VDAC1: variants seen among roughly 807,000 people sequenced by gnomAD.
VDAC1 encodes voltage dependent anion channel 1.
VDAC1 carries 10 observed loss-of-function variants against 34.7 expected under a neutral mutation model. That is an observed-to-expected ratio of 0.29 (90% CI 0.18 to 0.49). VDAC1 has a LOEUF of 0.49. Ranked by LOEUF, VDAC1 falls within the 20% of genes least tolerant of loss-of-function variation. The pLI is 0.99. For synonymous variants in VDAC1, 130 were observed against 136.0 expected (o/e 0.96, Z 0.30); for missense variants, 230 against 347.9 (o/e 0.66, Z 2.69).
Position 133,980,716 on chromosome 5 carries a change from C to CCCG in VDAC1, c.551+12_551+13insCGG. 1 of 1,561,828 alleles carries CCCG rather than the reference C, an allele frequency of 6.4e-7. No individual in the cohort carries two copies. The highest frequency in any genetic ancestry group is 8.8e-7 in the Non-Finnish European group (1 of 1,135,922). The stretch of plus-strand genomic sequence containing the variant: ...CCCACCCCTCCCACCCTGCTGCCCC[C>CCCG]ATGTACACTTACACATTAGTGTGAA... On this transcript the variant is annotated intron_variant, in intron 6 of 8. Coordinates refer to ENST00000265333, the MANE Select transcript of VDAC1 (RefSeq NM_003374.3).
At chr5:134,036,154 AT>A in the VDAC1 span, among the ~76,000 whole-genome samples, 1 of 152,188 alleles carries the variant, frequency 6.6e-6, no homozygotes, top group African/African-American at 2.4e-5. Context: ...CTCACAAGAT[AT>A]TTAATTGATT....
the VDAC1 span, among the ~76,000 whole-genome samples, chr5:134,092,021 C>G: frequency 6.6e-6 from 1 of 152,238 alleles, no homozygotes; most frequent in Non-Finnish European, 1.5e-5. Context: ...GCGCCACTCT[C>G]TGCTCGTTGC....
At chr5:134,014,154 T>G in the VDAC1 span, among the ~76,000 whole-genome samples, 2 of 151,730 alleles carry the variant, frequency 1.3e-5, no homozygotes, top group African/African-American at 4.8e-5. Context: ...CCAGGTGTGG[T>G]GGCACGCGCT....
the VDAC1 span, among the ~76,000 whole-genome samples, chr5:134,085,722 TAAAAAAAAAAAAAAAAAAAA>T: frequency 2.3e-5 from 1 of 44,224 alleles, no homozygotes; most frequent in Non-Finnish European, 3.7e-5. Context: ...ACCCCATTTC[TAAAAAAAAAAAAAAAAAAAA>T]AAAAAAAAAA....
At chr5:134,050,544 T>G in the VDAC1 span, among the ~76,000 whole-genome samples, 2 of 152,170 alleles carry the variant, frequency 1.3e-5, no homozygotes, top group Non-Finnish European at 2.9e-5. Context: ...GGGAGGCCGA[T>G]GTCTTCCTAA....
the VDAC1 span, among the ~76,000 whole-genome samples, chr5:134,061,674 C>T: frequency 6.6e-6 from 1 of 151,710 alleles, no homozygotes; most frequent in Admixed American, 6.6e-5. Context: ...CACACAGCCC[C>T]TGAATTTTTT....
chr5:134,082,910 TA>T, the VDAC1 span, among the ~76,000 whole-genome samples: 569 of 152,322 alleles, frequency 3.7e-3, no homozygotes, highest in African/African-American at 0.012. Context: ...TCTATATATA[TA>T]AAAACTTTTT....
chr5:133,999,558 C>T (rs960818788), intron 1 of VDAC1, among the ~76,000 whole-genome samples: 5 of 152,084 alleles, frequency 3.3e-5, no homozygotes, highest in African/African-American at 1.2e-4. Flanking sequence ...TTGCAGAAGA[C>T]GGGAGTTTAG....
the VDAC1 span, among the ~76,000 whole-genome samples, chr5:134,098,767 T>C: frequency 6.6e-6 from 1 of 152,202 alleles, no homozygotes; most frequent in Admixed American, 6.5e-5. Context: ...CAAGTCCAGC[T>C]CCTACTCTTA....
chr5:134,027,960 A>G, the VDAC1 span, among the ~76,000 whole-genome samples: 1,107 of 151,628 alleles, frequency 7.3e-3, 6 homozygotes, highest in Non-Finnish European at 0.012. Flanking sequence ...TAGTACAGAC[A>G]GGGTTTCACC....
At chr5:134,015,271 C>T in the VDAC1 span, among the ~76,000 whole-genome samples, 18 of 152,084 alleles carry the variant, frequency 1.2e-4, no homozygotes, top group Middle Eastern at 3.2e-3. Context: ...GTACTATGCT[C>T]AATACCTGGA....
chr5:134,050,075 T>A, the VDAC1 span, among the ~76,000 whole-genome samples: 1 of 151,776 alleles, frequency 6.6e-6, no homozygotes, highest in African/African-American at 2.4e-5. Flanking sequence ...ATGGTGAAAC[T>A]CCGTTTCTAC....
At chr5:133,975,051 G>GAGCCCAGGAGTTTGAGACC (rs1189065940) in intron 7 of VDAC1, among the ~76,000 whole-genome samples, 5 of 152,142 alleles carry the variant, frequency 3.3e-5, no homozygotes, top group African/African-American at 1.2e-4. Context: ...AGGACAGCTT[G>GAGCCCAGGAGTTTGAGACC]AGCCCAGGAG....
the VDAC1 span, chr5:134,081,819 A>T: frequency 3.3e-5 from 5 of 152,966 alleles, no homozygotes; most frequent in Admixed American, 2.6e-4. Context: ...GAGGCTGGAG[A>T]TAAAAACAAA....
the VDAC1 span, among the ~76,000 whole-genome samples, chr5:134,069,564 A>T: frequency 6.6e-6 from 1 of 152,172 alleles, no homozygotes; most frequent in Non-Finnish European, 1.5e-5. Context: ...CATCGAAGAA[A>T]GGTTGAATCA....
At chr5:134,078,186 C>A in the VDAC1 span, among the ~76,000 whole-genome samples, 16 of 152,186 alleles carry the variant, frequency 1.1e-4, no homozygotes, top group Non-Finnish European at 2.1e-4. Flanking sequence ...AGACACAGAG[C>A]CAAATTGGAC....
chr5:134,014,401 G>A, the VDAC1 span, among the ~76,000 whole-genome samples: 354 of 152,244 alleles, frequency 2.3e-3, 1 homozygote, highest in Admixed American at 5.7e-3. Context: ...GCCACCTCAC[G>A]CCGGTCAGAA....
At chr5:134,003,743 AT>A (rs1420874791) in intron 1 of VDAC1, among the ~76,000 whole-genome samples, 1 of 152,194 alleles carries the variant, frequency 6.6e-6, no homozygotes, top group Non-Finnish European at 1.5e-5. Flanking sequence ...TAATTAATTC[AT>A]TTTATTATTC....
At chr5:134,056,932 C>A in the VDAC1 span, among the ~76,000 whole-genome samples, 7 of 151,874 alleles carry the variant, frequency 4.6e-5, no homozygotes, top group South Asian at 1.3e-3. Context: ...CCGCTCCCCC[C>A]TCTCCACCAG....
Sources: gnomAD v4.1 joint callset for allele counts (sites outside exome capture counted in the v4.1 genomes callset) on GRCh38, gnomAD v4.1.1 for gene constraint, MANE v1.5 for transcripts, NCBI Gene and HGNC (gene_info 2026-07-23, HGNC 2026-07-21) for gene names.